Variants in FBN1 observed in about 807,000 individuals in gnomAD.
FBN1 encodes fibrillin 1.
Under a neutral mutation model 365.1 loss-of-function variants are expected in FBN1, and 29 were observed. The observed-to-expected ratio is 0.08, with a 90% confidence interval of 0.06 to 0.11. The LOEUF (loss-of-function observed/expected upper bound fraction) is 0.11, where lower values mean the gene tolerates loss of function less well. FBN1 is among the 10% of genes least tolerant of loss of function. The pLI is 1.00. For synonymous variants in FBN1, 1,210 were observed against 1,270.5 expected (o/e 0.95, Z 1.01); for missense variants, 2,476 against 3,703.2 (o/e 0.67, Z 8.60).
intron 3 of FBN1, among the ~76,000 whole-genome samples, chr15:48,611,537 G>A (rs940234187): frequency 6.6e-6 from 1 of 152,132 alleles, no homozygotes; most frequent in African/African-American, 2.4e-5. Context: ...TGGGATTACA[G>A]GCGTAAACCA....
chr15:48,438,727 A>G (rs757252662), intron 50 of FBN1, among the ~76,000 whole-genome samples: 26 of 152,216 alleles, frequency 1.7e-4, no homozygotes, highest in Admixed American at 4.6e-4. Flanking sequence ...GATGACTCCA[A>G]CAAAGAAGAT....
chr15:48,510,054 C>G lies in FBN1; in HGVS notation c.1704G>C (p.Lys568Asn). The change falls in exon 14 of 66, where the codon AAG becomes AAC. Residue 568 changes from lysine (K) to asparagine (N), a missense_variant. By Grantham distance (94) the Lys-to-Asn change is moderately conservative (BLOSUM62 0). Transcript: ENST00000316623. ...NAGFHVTRDG[K>N]NCEDMDECSI... Reference sequence around the variant, plus strand: ...GTATACTATTATTACCTTCACAGTTCTTCCCATCTCGTGTAACATGAAAGC... The same window carrying G: ...GTATACTATTATTACCTTCACAGTTGTTCCCATCTCGTGTAACATGAAAGC... The G allele has an allele frequency of 1.9e-6, 3 of 1,613,260 alleles. No homozygotes were observed. The highest frequency in any genetic ancestry group is 1.1e-5 in the South Asian group (1 of 91,056).
At chr15:48,543,259 G>A (rs535447226) in intron 6 of FBN1, among the ~76,000 whole-genome samples, 4 of 152,226 alleles carry the variant, frequency 2.6e-5, no homozygotes, top group Admixed American at 2.6e-4. Context: ...ATGATCTCAT[G>A]CCGCTGTCAG....
chr15:48,565,433 T>C (rs1169097927), intron 6 of FBN1, among the ~76,000 whole-genome samples: 11 of 152,148 alleles, frequency 7.2e-5, no homozygotes, highest in Admixed American at 7.2e-4. Context: ...CATTTTCATC[T>C]GTGTTTTTCC....
chr15:48,623,234 TG>T (rs1889802429), intron 2 of FBN1, among the ~76,000 whole-genome samples: 1 of 152,226 alleles, frequency 6.6e-6, no homozygotes, highest in African/African-American at 2.4e-5. Context: ...GTAAGCCAGA[TG>T]GAATATGCCA....
Position 48,497,324 on chromosome 15 carries a change from G to T in FBN1, c.2235C>A (p.Thr745=). ...PNGICENLRG[T]YKCICNSGYE... ...ATCCTGAATTGCATATACATTTATAGGTCCCACGAAGGTTTTCACAGATTC... is the reference window on the plus strand; with the variant it reads ...ATCCTGAATTGCATATACATTTATATGTCCCACGAAGGTTTTCACAGATTC... The change falls in exon 19 of 66, where the codon ACC becomes ACA. Residue 745 remains threonine, a synonymous_variant. Coordinates refer to ENST00000316623, the MANE Select transcript of FBN1 (RefSeq NM_000138.5). 1 of 1,613,882 alleles carries T rather than the reference G, an allele frequency of 6.2e-7. No individual in the cohort carries two copies. The highest frequency in any genetic ancestry group is 8.5e-7 in the Non-Finnish European group (1 of 1,179,862).
chr15:48,494,943 T>C (rs2043591777), intron 22 of FBN1, among the ~76,000 whole-genome samples, 180 bp downstream of exon 22: 1 of 152,156 alleles, frequency 6.6e-6, no homozygotes, highest in East Asian at 1.9e-4. Context: ...AAATAATAAA[T>C]GAACAAAATC....
chr15:48,447,416 A>C (rs1405328743), intron 46 of FBN1, among the ~76,000 whole-genome samples: 7 of 152,192 alleles, frequency 4.6e-5, no homozygotes, highest in Non-Finnish European at 8.8e-5. Flanking sequence ...GATGGCACTT[A>C]ATTTGTTCTT....
chr15:48,555,807 G>C (rs754999603), intron 6 of FBN1, among the ~76,000 whole-genome samples: 4 of 152,162 alleles, frequency 2.6e-5, no homozygotes, highest in African/African-American at 7.2e-5. Context: ...GAGCTCATGT[G>C]AAGTTAATTA....
At chr15:48,441,992 G>T in intron 49 of FBN1, 146 bp from the exon 50 acceptor site, 1 of 843,352 alleles carries the variant, frequency 1.2e-6, no homozygotes, top group South Asian at 1.4e-5. Flanking sequence ...TAACACTGTG[G>T]ACTGGACTTC....
intron 2 of FBN1, among the ~76,000 whole-genome samples, chr15:48,625,757 A>G (rs1267370007): frequency 2.0e-5 from 3 of 152,218 alleles, no homozygotes; most frequent in African/African-American, 7.2e-5. Flanking sequence ...GTCCGTTTTG[A>G]ATCCTATTTG....
rs1244661371 is a variant in FBN1 at position 48,448,310 on chromosome 15, A to G, written c.5671+458T>C. 2.6e-5 allele frequency among the ~76,000 whole-genome samples: 4 copies of G among 152,144 alleles called. No homozygotes were observed. In the East Asian group the frequency reaches 5.8e-4, roughly 22 times the overall value. ...TGATAATAGAGAAATCAGGAAAGAG[A>G]TTTAAAATCCTGAGCTCTTTTTCCT... On this transcript the variant is annotated intron_variant, in intron 46 of 65. Coordinates refer to ENST00000316623, the MANE Select transcript of FBN1 (RefSeq NM_000138.5).
chr15:48,415,469 T>A, intron 64 of FBN1, 67 bp downstream of exon 64: 1 of 1,221,620 alleles, frequency 8.2e-7, no homozygotes, highest in Non-Finnish European at 1.2e-6. Flanking sequence ...TAATTTTGAG[T>A]TCAGTATACT....
intron 58 of FBN1, among the ~76,000 whole-genome samples, chr15:48,426,680 A>C (rs1490135880): frequency 6.6e-6 from 1 of 152,166 alleles, no homozygotes; most frequent in Non-Finnish European, 1.5e-5. Flanking sequence ...AGCTGGGTGT[A>C]TCTGACCTTT....
At chr15:48,638,616 GC>G (rs1890141040) in intron 2 of FBN1, among the ~76,000 whole-genome samples, 1 of 74,106 alleles carries the variant, frequency 1.3e-5, no homozygotes, top group South Asian at 6.0e-4. Context: ...ATACATCAGA[GC>G]TTTTTTTTTT....
At chr15:48,551,198 A>G (rs886347415) in intron 6 of FBN1, among the ~76,000 whole-genome samples, 4 of 152,148 alleles carry the variant, frequency 2.6e-5, no homozygotes, top group African/African-American at 9.7e-5. Flanking sequence ...GGGTTGTATG[A>G]GTAGTAAATA....
At position 48,644,728 on chromosome 15, in the gene FBN1, G is replaced by A. The variant is rs1405903278; in HGVS notation, c.42C>T (p.Thr14=). 6.2e-7 allele frequency: 1 copy of A among 1,613,910 alleles called. No homozygotes were observed. The highest frequency in any genetic ancestry group is 8.5e-7 in the Non-Finnish European group (1 of 1,180,028). Residue 14 remains threonine, a synonymous_variant, in exon 2 of 66, where the codon ACC becomes ACT. Transcript: ENST00000316623. ...GRLLEIALGF[T]VLLASYTSHG... ...GGCTCGTGTAGGACGCTAAAAGCAC[G>A]GTAAATCCCAGGGCGATCTCCAGCA...
At chr15:48,523,041 T>C (rs2043873459) in intron 9 of FBN1, among the ~76,000 whole-genome samples, 1 of 152,228 alleles carries the variant, frequency 6.6e-6, no homozygotes, top group African/African-American at 2.4e-5. Context: ...GAAATTGAAC[T>C]TCCTACATTC....
In FBN1 at chr15:48,516,366, GA is replaced by G. The variant is rs2043802455; in HGVS notation, c.1148-5del. On this transcript the variant is annotated splice_region_variant and splice_polypyrimidine_tract_variant and intron_variant, in intron 10 of 65. Transcript: ENST00000316623. ...GAGCACAGCTTGTTGAAATCCTCTAGAAAAACACAACAAAACAAAACACAAC... is the reference window on the plus strand; with the variant it reads ...GAGCACAGCTTGTTGAAATCCTCTAGAAAACACAACAAAACAAAACACAAC... 6.2e-7 allele frequency: 1 copy of G among 1,613,344 alleles called. No homozygotes were observed. The highest frequency in any genetic ancestry group is 8.5e-7 in the Non-Finnish European group (1 of 1,179,792).
Sources: gnomAD v4.1 joint callset for allele counts (sites outside exome capture counted in the v4.1 genomes callset) on GRCh38, gnomAD v4.1.1 for gene constraint, MANE v1.5 for transcripts, NCBI Gene and HGNC (gene_info 2026-07-23, HGNC 2026-07-21) for gene names.